MLPH: variants seen among roughly 807,000 people sequenced by gnomAD.
The protein encoded by MLPH is melanophilin.
In MLPH, 51 loss-of-function variants were observed where a neutral mutation model predicts 72.1. The observed-to-expected ratio is 0.71, with a 90% CI of 0.56 to 0.89. MLPH has a LOEUF of 0.89. Among genes scored for constraint, MLPH ranks in the 40% least tolerant of loss-of-function variants. MLPH has a pLI of 0.00. For synonymous variants in MLPH, 301 were observed against 310.1 expected, an observed-to-expected ratio of 0.97 and a Z score of 0.31; for missense variants, 743 against 759.9, an observed-to-expected ratio of 0.98 and a Z score of 0.26.
rs188473596 is a variant in MLPH, at chr2:237,526,104, C to T, written c.880+299C>T. 1.7e-3 allele frequency among the ~76,000 whole-genome samples: 255 copies of T among 152,322 alleles called. No individual in the cohort carries two copies. In the Middle Eastern group the frequency reaches 0.017, roughly 10 times the overall value. On this transcript the variant is annotated intron_variant, in intron 7 of 15. Coordinates refer to ENST00000264605, the MANE Select transcript of MLPH (RefSeq NM_024101.7). The stretch of plus-strand genomic sequence containing the variant: ...GCAGGCCTCCCTGAAATGACTAGAA[C>T]CACTGGTCAACCGGCCAACCATCCT...
At chr2:237,533,088 A>G (rs770283425) in intron 8 of MLPH, among the ~76,000 whole-genome samples, 1 of 152,196 alleles carries the variant, frequency 6.6e-6, no homozygotes, top group Non-Finnish European at 1.5e-5. Context: ...CCGGGAGACC[A>G]CTTGTGTTGG....
At chr2:237,538,154 C>T (rs529541819) in intron 9 of MLPH, among the ~76,000 whole-genome samples, 9 of 152,200 alleles carry the variant, frequency 5.9e-5, no homozygotes, top group East Asian at 1.9e-4. Context: ...GACAAAAACG[C>T]GGGCCTTGTG....
rs74831413 is a variant in MLPH at position 237,512,878 on chromosome 2, C to G, written c.445+1777C>G. On this transcript the variant is annotated intron_variant, in intron 4 of 15. Coordinates refer to ENST00000264605, the MANE Select transcript of MLPH (RefSeq NM_024101.7). This position sits in a 1 kb window ranked among gnomAD's most constrained non-coding sequence, Gnocchi z 5.5. ...CAGCCCAGAGCTGCTGGAGTTCACA[C>G]GGCCCACCAGAACCTGCTGACTTCA... Among the ~76,000 whole-genome samples the G allele has an allele frequency of 0.016, 2,462 of 152,242 alleles. 42 individuals are homozygous for G. Among genetic ancestry groups the G allele is most frequent in the South Asian group, 0.075 (364 of 4,828 alleles).
At chr2:237,550,696 C>A (rs943986507) in intron 14 of MLPH, among the ~76,000 whole-genome samples, 3 of 152,116 alleles carry the variant, frequency 2.0e-5, no homozygotes, top group African/African-American at 7.2e-5. Context: ...ATTACAGGTG[C>A]CTGCCACCAT....
At chr2:237,516,108 G>A (rs1157356488) in intron 4 of MLPH, among the ~76,000 whole-genome samples, 1 of 152,230 alleles carries the variant, frequency 6.6e-6, no homozygotes, top group East Asian at 1.9e-4. Flanking sequence ...GAGAGCAAGG[G>A]GCAGGTCCCA....
intron 2 of MLPH, among the ~76,000 whole-genome samples, chr2:237,500,297 A>T (rs983538657): frequency 2.0e-5 from 3 of 152,180 alleles, no homozygotes; most frequent in African/African-American, 7.2e-5. Flanking sequence ...CCAAGGTTTT[A>T]AATGAGTTCT....
chr2:237,519,818 G>C, intron 5 of MLPH, 92 bp from the exon 6 acceptor site: 1 of 1,589,830 alleles, frequency 6.3e-7, no homozygotes, highest in Non-Finnish European at 8.6e-7. Context: ...CCCTCTGGGG[G>C]CTGAGTGTGG....
chr2:237,525,513 T>G lies in MLPH; in HGVS notation c.676-88T>G, dbSNP rs982691702. 3.6e-6 allele frequency: 5 copies of G among 1,380,508 alleles called. No homozygotes were observed. In the East Asian group the frequency reaches 1.2e-4, roughly 33 times the overall value. 85.5% of individuals were successfully genotyped at this position (1,380,508 alleles called of 1,614,324 possible). A position where few individuals can be genotyped will look rare whatever the true frequency, so the allele number is the denominator to read the frequency against. On this transcript the variant is annotated intron_variant, in intron 6 of 15. Transcript: ENST00000264605. ...GGGTCAGTCAAGTGCCTGGAAAGCC[T>G]CAGGGCTTGGATTGAAAGACCCACA...
chr2:237,547,918 G>C (rs1301511941), intron 13 of MLPH, among the ~76,000 whole-genome samples: 1 of 152,146 alleles, frequency 6.6e-6, no homozygotes, highest in Admixed American at 6.5e-5. Flanking sequence ...AGGAGGAATG[G>C]GCTTTAGCTT....
chr2:237,522,846 T>C (rs1316219361), intron 6 of MLPH, among the ~76,000 whole-genome samples: 1 of 152,198 alleles, frequency 6.6e-6, no homozygotes, highest in Admixed American at 6.5e-5. Context: ...AACCATGCTA[T>C]AGCTAAAATA....
chr2:237,507,915 G>A (rs149785324), intron 2 of MLPH, among the ~76,000 whole-genome samples: 538 of 152,178 alleles, frequency 3.5e-3, no homozygotes, highest in Middle Eastern at 6.8e-3. Flanking sequence ...CTCAGGTGGC[G>A]ATCGGAACAA....
chr2:237,548,827 C>T (rs1233661382), intron 13 of MLPH, among the ~76,000 whole-genome samples: 2 of 152,188 alleles, frequency 1.3e-5, no homozygotes, highest in African/African-American at 4.8e-5. Context: ...TGCAGTGAGC[C>T]GCGATCGCAC....
rs2079862369 is a variant in MLPH at position 237,510,290 on chromosome 2, G to A, written c.111-284G>A. The stretch of plus-strand genomic sequence containing the variant: ...CCTGCCAACCAAAATTGGTACAATT[G>A]TAAACAGCCACAGAAATGCTTAAAT... On this transcript the variant is annotated intron_variant, in intron 2 of 15. Transcript: ENST00000264605. The surrounding 1 kb of genome is among the most constrained non-coding windows in gnomAD (Gnocchi z 4.4). 1 of 479,938 alleles carries A rather than the reference G, an allele frequency of 2.1e-6. No homozygotes were observed. Among genetic ancestry groups the A allele is most frequent in the African/African-American group, 2.0e-5 (1 of 51,216 alleles). The allele number at this position is 479,938 out of a possible 1,614,324, so 29.7% of individuals were successfully genotyped here.
rs544688545 is a variant in MLPH at position 237,540,865 on chromosome 2, G to C, written c.1354G>C (p.Val452Leu). Residue 452 changes from valine to leucine, a missense_variant, in exon 11 of 16, where the codon GTC becomes CTC. Val to Leu is a conservative substitution (Grantham distance 32). Coordinates refer to ENST00000264605, the MANE Select transcript of MLPH (RefSeq NM_024101.7). ...AAGCCCCCAGGACCCTGGGGACCCC[G>C]TCCAGTACAACAGGACCACAGATGA... ...EKSPQDPGDP[V>L]QYNRTTDEEL... The C allele has an allele frequency of 3.1e-6, 5 of 1,613,342 alleles. No homozygotes were observed. In the Admixed American group the frequency reaches 8.3e-5, roughly 27 times the overall value.
chr2:237,518,432 G>A, intron 4 of MLPH, 107 bp from the exon 5 acceptor site: 1 of 864,312 alleles, frequency 1.2e-6, no homozygotes, highest in East Asian at 2.6e-5. Context: ...AGGGAGGGAT[G>A]GGCAGGTAGA....
chr2:237,492,918 G>T (rs1206916578), intron 1 of MLPH, among the ~76,000 whole-genome samples: 1 of 152,216 alleles, frequency 6.6e-6, no homozygotes, highest in Non-Finnish European at 1.5e-5. Flanking sequence ...CATCGCTCTA[G>T]GAGGTCTAGG....
chr2:237,502,168 G>C (rs1013132187), intron 2 of MLPH, among the ~76,000 whole-genome samples: 3 of 152,202 alleles, frequency 2.0e-5, no homozygotes, highest in Admixed American at 2.0e-4. Flanking sequence ...CATCTTGAGT[G>C]TTTTAGATTC....
intron 6 of MLPH, among the ~76,000 whole-genome samples, chr2:237,520,406 G>C (rs2080155482): frequency 6.6e-6 from 1 of 152,080 alleles, no homozygotes; most frequent in African/African-American, 2.4e-5. Context: ...AGGGCCTGCT[G>C]TGATGCCTAC....
chr2:237,520,147 C>G, intron 6 of MLPH, 118 bp downstream of exon 6: 1 of 1,393,780 alleles, frequency 7.2e-7, no homozygotes, highest in Non-Finnish European at 1.0e-6. Context: ...ACAGTCCCAC[C>G]TGGCTCCCAA....
Sources: allele counts gnomAD v4.1 joint callset (sites outside exome capture counted in the v4.1 genomes callset), GRCh38; gene constraint gnomAD v4.1.1; non-coding constraint Gnocchi (gnomAD v3.1); transcripts MANE v1.5; gene names NCBI Gene and HGNC (gene_info 2026-07-23, HGNC 2026-07-21).